Variants in DACH1 observed in about 807,000 individuals in gnomAD.
DACH1 encodes the protein dachshund family transcription factor 1.
A neutral mutation model predicts 54.2 loss-of-function variants in DACH1; 12 were observed. That is an observed-to-expected ratio of 0.22 (90% CI 0.14 to 0.36). The LOEUF (loss-of-function observed/expected upper bound fraction) is 0.36, where lower values mean the gene tolerates loss of function less well. DACH1 is among the 10% of genes least tolerant of loss of function. The pLI is 1.00. For synonymous variants in DACH1, 386 were observed against 366.2 expected (o/e 1.05, Z -0.62); for missense variants, 805 against 929.8 (o/e 0.87, Z 1.75).
At chr13:71,579,078 T>C (rs1016752465) in intron 3 of DACH1, among the ~76,000 whole-genome samples, 1 of 152,160 alleles carries the variant, frequency 6.6e-6, no homozygotes, top group African/African-American at 2.4e-5. Flanking sequence ...GTTACTGGAA[T>C]GTCAGATATA....
intron 2 of DACH1, among the ~76,000 whole-genome samples, chr13:71,654,453 A>G (rs9599868): frequency 0.018 from 1,379 of 76,498 alleles, 44 homozygotes; most frequent in South Asian, 0.034. Flanking sequence ...ATAAAATAAA[A>G]TAAAGTAAAA....
intron 6 of DACH1, among the ~76,000 whole-genome samples, chr13:71,508,469 T>G (rs1156850606): frequency 2.7e-5 from 4 of 147,920 alleles, no homozygotes; most frequent in African/African-American, 1.0e-4. Flanking sequence ...AAAAATTACT[T>G]TTTTTTTTTT....
Position 71,489,033 on chromosome 13 carries a change from T to C in DACH1, c.1686A>G (p.Gly562=), listed in dbSNP as rs1399518354. Residue 562 remains glycine, a synonymous_variant, in exon 7 of 11, where the codon GGA becomes GGG. Transcript: ENST00000613252. ...TCAGAAGAGTCTCGATGGAAGACAG[T>C]CCATCAGGAAACAGAAAAGGAGATG... is the stretch of plus-strand genomic sequence containing the variant. ...GFPSPFLFPD[G]LSSIETLLTN... The C allele has an allele frequency of 1.2e-6, 2 of 1,613,734 alleles. No homozygotes were observed. Among genetic ancestry groups the C allele is most frequent in the South Asian group, 1.1e-5 (1 of 91,062 alleles).
chr13:71,787,757 G>C (rs303954), intron 1 of DACH1, among the ~76,000 whole-genome samples: 5,771 of 152,186 alleles, frequency 0.038, 217 homozygotes, highest in African/African-American at 0.1. Context: ...CCGGGCCATA[G>C]TTTATCCTTT....
intron 8 of DACH1, among the ~76,000 whole-genome samples, chr13:71,477,078 T>A (rs1228858587): frequency 1.5e-5 from 2 of 130,386 alleles, no homozygotes; most frequent in Admixed American, 1.6e-4. Context: ...CTGTTTTTAT[T>A]ATTATATATA....
rs565589412 is a variant in DACH1 at position 71,695,265 on chromosome 13, G to A, written c.849-13355C>T. Among the ~76,000 whole-genome samples the A allele has an allele frequency of 9.2e-5, 14 of 152,162 alleles. No individual in the cohort carries two copies. In the South Asian group the frequency reaches 1.5e-3, roughly 16 times the overall value. On this transcript the variant is annotated intron_variant, in intron 1 of 10. Coordinates refer to ENST00000613252, the MANE Select transcript of DACH1 (RefSeq NM_080759.6). ...AGATCTGATGACTCACTTCAAATGCGTCCTCTCTTTCCAACATTATTAGTG... is the reference window on the plus strand; with the variant it reads ...AGATCTGATGACTCACTTCAAATGCATCCTCTCTTTCCAACATTATTAGTG...
chr13:71,485,161 A>C (rs1435748259), intron 7 of DACH1, among the ~76,000 whole-genome samples: 1 of 151,972 alleles, frequency 6.6e-6, no homozygotes, highest in East Asian at 1.9e-4. Context: ...ACTGATACTA[A>C]AATTTTAGTC....
intron 1 of DACH1, among the ~76,000 whole-genome samples, chr13:71,693,296 CT>C (rs869289138): frequency 0.013 from 1,186 of 90,974 alleles, 2 homozygotes; most frequent in East Asian, 0.044. Context: ...ATTTGTTTTG[CT>C]TTTTTTTTTT....
chr13:71,746,167 G>A (rs762086588), intron 1 of DACH1, among the ~76,000 whole-genome samples: 12 of 152,100 alleles, frequency 7.9e-5, no homozygotes, highest in Non-Finnish European at 1.5e-4. Context: ...GCGCTGAGCC[G>A]AGATTGCGCC....
At chr13:71,576,472 C>T (rs1885531008) in intron 3 of DACH1, among the ~76,000 whole-genome samples, 1 of 152,132 alleles carries the variant, frequency 6.6e-6, no homozygotes, top group Non-Finnish European at 1.5e-5. Context: ...TCTTCATGGG[C>T]TCAGACTATT....
intron 3 of DACH1, among the ~76,000 whole-genome samples, chr13:71,581,890 T>C (rs1416799284): frequency 6.6e-6 from 1 of 152,120 alleles, no homozygotes; most frequent in African/African-American, 2.4e-5. Context: ...TTACGATAAA[T>C]AAAATTCAGT....
intron 1 of DACH1, among the ~76,000 whole-genome samples, chr13:71,816,671 T>C (rs1413324623): frequency 6.8e-5 from 7 of 103,064 alleles, no homozygotes; most frequent in South Asian, 3.5e-4. Flanking sequence ...TGTATATATA[T>C]ACACACATAT....
At chr13:71,517,469 G>A (rs1881249029) in intron 6 of DACH1, among the ~76,000 whole-genome samples, 1 of 151,854 alleles carries the variant, frequency 6.6e-6, no homozygotes, top group African/African-American at 2.4e-5. Flanking sequence ...TCGTAGTTGT[G>A]TGTGGACTTT....
rs553048737 is a variant in DACH1 at position 71,438,434 on chromosome 13, T to C, written c.*2221A>G. The C allele has an allele frequency of 6.6e-6, 1 of 152,582 alleles. No individual in the cohort carries two copies. The highest frequency in any genetic ancestry group is 2.1e-4 in the South Asian group (1 of 4,828). 9.5% of individuals were successfully genotyped at this position (152,582 alleles called of 1,614,324 possible). On this transcript the variant is annotated 3_prime_UTR_variant, in exon 11 of 11. Coordinates refer to ENST00000613252, the MANE Select transcript of DACH1 (RefSeq NM_080759.6). The stretch of plus-strand genomic sequence containing the variant: ...TAAGTTACAGACTTACAATAACATT[T>C]CATGAATTGTAATATTTACAACATG...
chr13:71,818,911 T>C (rs757252219), intron 1 of DACH1, among the ~76,000 whole-genome samples: 3 of 152,166 alleles, frequency 2.0e-5, no homozygotes, highest in African/African-American at 7.2e-5. Flanking sequence ...TTGCTAATCA[T>C]GAAACTCCCA....
At chr13:71,753,743 T>C (rs1885021651) in intron 1 of DACH1, among the ~76,000 whole-genome samples, 1 of 152,210 alleles carries the variant, frequency 6.6e-6, no homozygotes, top group Admixed American at 6.5e-5. Context: ...TTATCTGCAA[T>C]GGTTTATTCT....
At chr13:71,811,714 C>T (rs552501353) in intron 1 of DACH1, among the ~76,000 whole-genome samples, 21 of 152,308 alleles carry the variant, frequency 1.4e-4, no homozygotes, top group African/African-American at 5.1e-4. Flanking sequence ...GAGCAAGTAA[C>T]ATGAAGGTAA....
At chr13:71,631,480 G>A (rs1047086237) in intron 2 of DACH1, among the ~76,000 whole-genome samples, 4 of 152,172 alleles carry the variant, frequency 2.6e-5, no homozygotes, top group Admixed American at 2.0e-4. Context: ...CAGGAAGCAT[G>A]TGTTGCTACA....
intron 3 of DACH1, among the ~76,000 whole-genome samples, chr13:71,590,973 G>C (rs1427448312): frequency 6.9e-6 from 1 of 144,780 alleles, no homozygotes; most frequent in Non-Finnish European, 1.5e-5. Flanking sequence ...CTGCCTCCCA[G>C]GTTCAAGCTA....
Sources: gnomAD v4.1 joint callset for allele counts (sites outside exome capture counted in the v4.1 genomes callset) on GRCh38, gnomAD v4.1.1 for gene constraint, MANE v1.5 for transcripts, NCBI Gene and HGNC (gene_info 2026-07-23, HGNC 2026-07-21) for gene names.